Variants in SARAF observed in about 807,000 individuals in gnomAD.
SARAF encodes the protein store-operated calcium entry associated regulatory factor.
In SARAF, 23 loss-of-function variants were observed where a neutral mutation model predicts 39.7. That is an observed-to-expected ratio of 0.58 (90% CI 0.42 to 0.82). The LOEUF is 0.82. Ranked by LOEUF, SARAF falls within the 40% of genes least tolerant of loss-of-function variation. The pLI is 0.00. For synonymous variants in SARAF, 175 were observed against 168.5 expected (o/e 1.04, Z -0.30); for missense variants, 384 against 418.5 (o/e 0.92, Z 0.72).
At chr8:30,066,268 C>A in intron 4 of SARAF, 129 bp from the exon 5 acceptor site, 1 of 958,820 alleles carries the variant, frequency 1.0e-6, no homozygotes, top group Non-Finnish European at 1.5e-6. Context: ...TCTGGTATAT[C>A]AGAGTTAACA....
At chr8:30,079,889 C>G (rs1802060090) in intron 1 of SARAF, among the ~76,000 whole-genome samples, 1 of 152,154 alleles carries the variant, frequency 6.6e-6, no homozygotes, top group Non-Finnish European at 1.5e-5. Context: ...AATACCCACG[C>G]CCCACTAGTT....
chr8:30,071,808 T>C (rs968734328), intron 2 of SARAF, among the ~76,000 whole-genome samples: 6 of 135,496 alleles, frequency 4.4e-5, no homozygotes, highest in African/African-American at 1.7e-4. Context: ...TATGGCTAAA[T>C]AATATTTCTT....
At position 30,075,981 on chromosome 8, in the gene SARAF, T is replaced by TAAAAAAAAAAA. The variant is rs1491525634; in HGVS notation, c.104-1927_104-1926insTTTTTTTTTTT. Reference sequence around the variant, plus strand: ...AACCTGATGTACATAACAGAATCCCTAAAAAAAAACAAAAAAAAAAAAACA... The same window carrying TAAAAAAAAAAA: ...AACCTGATGTACATAACAGAATCCCTAAAAAAAAAAAAAAAAAAAACAAAAAAAAAAAAACA... On this transcript the variant is annotated intron_variant, in intron 1 of 5. Coordinates refer to ENST00000256255, the MANE Select transcript of SARAF (RefSeq NM_016127.6). Among the ~76,000 whole-genome samples, 2 of 7,390 alleles carry TAAAAAAAAAAA rather than the reference T, an allele frequency of 2.7e-4. 1 individual carries two copies. Among genetic ancestry groups the TAAAAAAAAAAA allele is most frequent in the Non-Finnish European group, 8.1e-4 (2 of 2,474 alleles). 4.8% of individuals were successfully genotyped at this position (7,390 alleles called of 152,430 possible). A position where few individuals can be genotyped will look rare whatever the true frequency, so the allele number is the denominator to read the frequency against.
intron 1 of SARAF, among the ~76,000 whole-genome samples, chr8:30,081,096 G>A (rs1256137526): frequency 6.6e-6 from 1 of 152,110 alleles, no homozygotes; most frequent in Non-Finnish European, 1.5e-5. Flanking sequence ...CCAAGATCGC[G>A]CCATTGCACT....
At chr8:30,070,703 T>A (rs1801820874) in intron 2 of SARAF, among the ~76,000 whole-genome samples, 1 of 152,242 alleles carries the variant, frequency 6.6e-6, no homozygotes. Context: ...TTTTTGCCAC[T>A]GTTGTTCAAG....
intron 1 of SARAF, among the ~76,000 whole-genome samples, chr8:30,080,477 C>T (rs549052134): frequency 6.6e-6 from 1 of 152,208 alleles, no homozygotes; most frequent in Non-Finnish European, 1.5e-5. Flanking sequence ...GTCCTCCTTA[C>T]GCTGTTTATC....
At chr8:30,081,180 T>C (rs370880128) in intron 1 of SARAF, among the ~76,000 whole-genome samples, 5 of 152,222 alleles carry the variant, frequency 3.3e-5, no homozygotes, top group African/African-American at 1.2e-4. Flanking sequence ...AAGTAAACTT[T>C]GAAGTAGAAT....
intron 5 of SARAF, among the ~76,000 whole-genome samples, chr8:30,064,986 G>A (rs1801650780): frequency 6.6e-6 from 1 of 152,070 alleles, no homozygotes; most frequent in African/African-American, 2.4e-5. Flanking sequence ...TTTATAAAAT[G>A]TAACTGCTAT....
At chr8:30,081,117 C>T (rs1286976788) in intron 1 of SARAF, among the ~76,000 whole-genome samples, 1 of 151,958 alleles carries the variant, frequency 6.6e-6, no homozygotes, top group East Asian at 1.9e-4. Flanking sequence ...CTAGCCTGGG[C>T]GACAAGAGTG....
In SARAF at chr8:30,063,764, A is replaced by G; in HGVS notation, c.*124T>C. The G allele has an allele frequency of 1.2e-6, 1 of 833,452 alleles. No individual in the cohort carries two copies. Among genetic ancestry groups the G allele is most frequent in the South Asian group, 1.4e-5 (1 of 69,740 alleles). 51.6% of individuals were successfully genotyped at this position (833,452 alleles called of 1,614,324 possible). On this transcript the variant is annotated 3_prime_UTR_variant, in exon 6 of 6. Coordinates refer to ENST00000256255, the MANE Select transcript of SARAF (RefSeq NM_016127.6). ...GAATACAAAAAGCTACACTGGACAT[A>G]ACACCACAGAACTTTTGAATATCCC...
intron 3 of SARAF, among the ~76,000 whole-genome samples, chr8:30,067,389 A>G (rs1018985886): frequency 1.5e-4 from 23 of 152,180 alleles, no homozygotes; most frequent in African/African-American, 5.5e-4. Flanking sequence ...GCTCAGAGGA[A>G]GTTTTAACTG....
In SARAF at chr8:30,063,917, GA is replaced by G. The variant is rs1801613174; in HGVS notation, c.995-5del. 3 of 1,547,082 alleles carry G rather than the reference GA, an allele frequency of 1.9e-6. No homozygotes were observed. Among genetic ancestry groups the G allele is most frequent in the Non-Finnish European group, 1.8e-6 (2 of 1,131,742 alleles). ...CGTCTCCTGGTACCACCATATCCTA[GA>G]ATGAGAGGGGTAAAATTTACATTAG... On this transcript the variant is annotated splice_region_variant and splice_polypyrimidine_tract_variant and intron_variant, in intron 5 of 5. Coordinates refer to ENST00000256255, the MANE Select transcript of SARAF (RefSeq NM_016127.6).
At chr8:30,078,983 C>T (rs1802038146) in intron 1 of SARAF, among the ~76,000 whole-genome samples, 1 of 151,552 alleles carries the variant, frequency 6.6e-6, no homozygotes, top group African/African-American at 2.4e-5. Context: ...ATGGTGAAAC[C>T]CCATCTCTAC....
chr8:30,080,504 A>T (rs1802073477), intron 1 of SARAF, among the ~76,000 whole-genome samples: 1 of 152,218 alleles, frequency 6.6e-6, no homozygotes, highest in Non-Finnish European at 1.5e-5. Flanking sequence ...GGTGCATACC[A>T]ATTTTCACAA....
At chr8:30,070,551 G>C (rs1801816524) in intron 2 of SARAF, among the ~76,000 whole-genome samples, 1 of 152,178 alleles carries the variant, frequency 6.6e-6, no homozygotes, top group African/African-American at 2.4e-5. Flanking sequence ...GGTGGTATCT[G>C]TGTTCTACTT....
At chr8:30,074,098 G>C in intron 1 of SARAF, 43 bp from the exon 2 acceptor site, 1 of 1,582,488 alleles carries the variant, frequency 6.3e-7, no homozygotes, top group Non-Finnish European at 8.6e-7. Flanking sequence ...TAAGTATCGT[G>C]TCAGAGAAAG....
chr8:30,077,008 T>C (rs1163603484), intron 1 of SARAF, among the ~76,000 whole-genome samples: 1 of 152,044 alleles, frequency 6.6e-6, no homozygotes, highest in Non-Finnish European at 1.5e-5. Flanking sequence ...AAAAAAGAGA[T>C]GACGCACAAG....
At chr8:30,064,561 AT>A (rs869277681) in intron 5 of SARAF, among the ~76,000 whole-genome samples, 12 of 46,226 alleles carry the variant, frequency 2.6e-4, no homozygotes, top group African/African-American at 1.3e-3. Context: ...ATATATATAT[AT>A]TTTTTTTTTT....
chr8:30,064,038 C>T (rs1801616032), intron 5 of SARAF, 125 bp from the exon 6 acceptor site: 2 of 844,844 alleles, frequency 2.4e-6, no homozygotes, highest in Non-Finnish European at 3.7e-6. Context: ...AAAGAGTGTG[C>T]CACTAGGTGG....
Sources: allele counts gnomAD v4.1 joint callset (sites outside exome capture counted in the v4.1 genomes callset), GRCh38; gene constraint gnomAD v4.1.1; transcripts MANE v1.5; gene names NCBI Gene and HGNC (gene_info 2026-07-23, HGNC 2026-07-21).